Variants in TXNRD1 observed in about 807,000 individuals in gnomAD.
The protein encoded by TXNRD1 is thioredoxin reductase 1, cytoplasmic.
TXNRD1 carries 57 observed loss-of-function variants against 80.3 expected under a neutral mutation model. That is an observed-to-expected ratio of 0.71 (90% confidence interval 0.57 to 0.89). TXNRD1 has a LOEUF of 0.89. Among genes scored for constraint, TXNRD1 ranks in the 40% least tolerant of loss-of-function variants. The probability of loss-of-function intolerance (pLI) is 0.00; values close to 1 mark genes in which losing one functional copy is unlikely to be tolerated. For missense variants in TXNRD1, 730 were observed against 803.0 expected, an observed-to-expected ratio of 0.91 and a Z score of 1.10; for synonymous variants, 291 against 285.2, an observed-to-expected ratio of 1.02 and a Z score of -0.20.
intron 3 of TXNRD1, among the ~76,000 whole-genome samples, chr12:104,264,819 T>C (rs1483710891): frequency 1.3e-5 from 2 of 152,232 alleles, no homozygotes; most frequent in Non-Finnish European, 2.9e-5. Flanking sequence ...TTTAGAATTA[T>C]TTTCTTAGGA....
chr12:104,224,301 G>T (rs1467303683), intron 1 of TXNRD1, among the ~76,000 whole-genome samples: 1 of 152,114 alleles, frequency 6.6e-6, no homozygotes, highest in East Asian at 1.9e-4. Flanking sequence ...GACATCTGTG[G>T]CTCTTCTCAT....
chr12:104,265,887 C>T, intron 3 of TXNRD1: 1 of 1,052,892 alleles, frequency 9.5e-7, no homozygotes. Context: ...CAGGAACGCC[C>T]CGGTGGAAAA....
intron 3 of TXNRD1, among the ~76,000 whole-genome samples, chr12:104,275,658 C>T (rs969680214): frequency 6.6e-6 from 1 of 152,170 alleles, no homozygotes; most frequent in Non-Finnish European, 1.5e-5. Context: ...GCTGGGATTA[C>T]AGGCATGAGC....
chr12:104,271,201 T>C (rs2033644872), intron 3 of TXNRD1, among the ~76,000 whole-genome samples: 1 of 139,100 alleles, frequency 7.2e-6, no homozygotes. Flanking sequence ...TTTTTTTTTT[T>C]GTGAGACGGA....
chr12:104,256,288 T>G (rs2033245695), intron 2 of TXNRD1, among the ~76,000 whole-genome samples: 1 of 152,246 alleles, frequency 6.6e-6, no homozygotes, highest in Non-Finnish European at 1.5e-5. Context: ...TAAAGGTAGC[T>G]TTCCGCTCTT....
chr12:104,240,726 G>A (rs1400508445), intron 1 of TXNRD1, among the ~76,000 whole-genome samples: 1 of 147,666 alleles, frequency 6.8e-6, no homozygotes, highest in Non-Finnish European at 1.5e-5. Context: ...TATGTTTTTT[G>A]TCCAGAAAAG....
intron 4 of TXNRD1, among the ~76,000 whole-genome samples, chr12:104,296,671 T>C (rs1411683654): frequency 6.6e-6 from 1 of 152,212 alleles, no homozygotes; most frequent in Non-Finnish European, 1.5e-5. Flanking sequence ...TAAATATGTA[T>C]TGAGTGAATA....
At chr12:104,268,557 T>G (rs1328762313) in intron 3 of TXNRD1, among the ~76,000 whole-genome samples, 1 of 151,936 alleles carries the variant, frequency 6.6e-6, no homozygotes, top group Non-Finnish European at 1.5e-5. Flanking sequence ...TATCACTCTG[T>G]CCCCAGGCTG....
At chr12:104,261,584 C>T (rs12321899) in intron 3 of TXNRD1, among the ~76,000 whole-genome samples, 1,669 of 152,236 alleles carry the variant, frequency 0.011, 24 homozygotes, top group African/African-American at 0.037. Context: ...TTAAATTTCT[C>T]CTTTTCCAAC....
intron 4 of TXNRD1, 110 bp from the exon 5 acceptor site, chr12:104,311,180 C>T (rs1489617346): frequency 1.6e-6 from 2 of 1,243,732 alleles, no homozygotes; most frequent in Non-Finnish European, 2.2e-6. Flanking sequence ...ACAGCATCTT[C>T]CCTTTGAAAA....
At chr12:104,315,600 G>T (rs910294960) in intron 6 of TXNRD1, among the ~76,000 whole-genome samples, 177 bp from the exon 7 acceptor site, 1 of 152,222 alleles carries the variant, frequency 6.6e-6, no homozygotes, top group African/African-American at 2.4e-5. Flanking sequence ...TGTTTGGTAT[G>T]TAAGGGTCTC....
chr12:104,228,319 A>T (rs2032524491), intron 1 of TXNRD1, among the ~76,000 whole-genome samples: 1 of 149,984 alleles, frequency 6.7e-6, no homozygotes, highest in Non-Finnish European at 1.5e-5. Context: ...AAAAAAAAAA[A>T]ATCTGTATTT....
rs1311873165 is a variant in TXNRD1 at position 104,327,547 on chromosome 12, A to G, written c.1418A>G (p.Gln473Arg). The G allele has an allele frequency of 3.7e-6, 6 of 1,613,596 alleles. No homozygotes were observed. In the Admixed American group the frequency reaches 8.3e-5, roughly 22 times the overall value. ...TGKIPVTDEE[Q>R]TNVPYIYAIG... ...AAAATACCTGTCACAGATGAAGAAC[A>G]GACCAATGTGCCTTACATCTATGCC... is the stretch of plus-strand genomic sequence containing the variant. Residue 473 changes from glutamine to arginine, a missense_variant, in exon 13 of 17, where the codon CAG (glutamine) becomes CGG (arginine). By Grantham distance (43) the Gln-to-Arg change is conservative. Coordinates refer to ENST00000525566, the MANE Select transcript of TXNRD1 (RefSeq NM_001093771.3).
intron 3 of TXNRD1, among the ~76,000 whole-genome samples, chr12:104,267,707 T>TTCTTTCTC (rs2033555488): frequency 1.6e-5 from 1 of 61,196 alleles, no homozygotes; most frequent in Admixed American, 1.8e-4. Flanking sequence ...CTTTCTCTCT[T>TTCTTTCTC]TCTTTCTTTC....
At chr12:104,315,450 G>A (rs371326109) in intron 6 of TXNRD1, among the ~76,000 whole-genome samples, 4 of 152,286 alleles carry the variant, frequency 2.6e-5, no homozygotes, top group South Asian at 2.1e-4. Flanking sequence ...AAGTCGGGTC[G>A]TCTGTATAGG....
rs1373551632 is a variant in TXNRD1 at position 104,321,176 on chromosome 12, C to G, written c.1075C>G (p.Leu359Val). The change falls in exon 10 of 17, where the codon CTT (leucine) becomes GTT (valine). Residue 359 changes from leucine (L) to valine (V), a missense_variant. Leu to Val is a conservative substitution (Grantham distance 32). Coordinates refer to ENST00000525566, the MANE Select transcript of TXNRD1 (RefSeq NM_001093771.3). ...SYVALECAGF[L>V]AGIGLDVTVM... ...TGTCGCTTTGGAGTGCGCTGGATTT[C>G]TTGCTGGTATTGGTTTAGACGTCAC... is the stretch of plus-strand genomic sequence containing the variant. 1 of 1,611,738 alleles carries G rather than the reference C, an allele frequency of 6.2e-7. No individual in the cohort carries two copies. Among genetic ancestry groups the G allele is most frequent in the Admixed American group, 1.7e-5 (1 of 59,612 alleles).
intron 7 of TXNRD1, among the ~76,000 whole-genome samples, chr12:104,318,390 A>C (rs1360753306): frequency 6.6e-6 from 1 of 152,172 alleles, no homozygotes; most frequent in Non-Finnish European, 1.5e-5. Flanking sequence ...TAGCTACTTA[A>C]CTCTGCTTAT....
intron 1 of TXNRD1, chr12:104,224,902 G>C: frequency 2.2e-6 from 1 of 456,624 alleles, no homozygotes; most frequent in South Asian, 1.5e-5. Context: ...TCTCAGGCAG[G>C]TAAAATTGCC....
chr12:104,285,302 G>T (rs1019697633), intron 3 of TXNRD1, among the ~76,000 whole-genome samples: 1 of 152,144 alleles, frequency 6.6e-6, no homozygotes, highest in Non-Finnish European at 1.5e-5. Context: ...TAGAATTCAC[G>T]ACAAGGGTAA....
Sources: allele counts gnomAD v4.1 joint callset (sites outside exome capture counted in the v4.1 genomes callset), GRCh38; gene constraint gnomAD v4.1.1; transcripts MANE v1.5; gene names NCBI Gene and HGNC (gene_info 2026-07-23, HGNC 2026-07-21).